The following FRMD5 variants were observed in gnomAD, a reference collection of about 807,000 sequenced individuals.
FRMD5 encodes FERM domain containing 5.
Under a neutral mutation model 69.0 loss-of-function variants are expected in FRMD5, and 20 were observed. That is an observed-to-expected ratio of 0.29 (90% CI 0.20 to 0.42). The LOEUF (loss-of-function observed/expected upper bound fraction) is 0.42. Ranked by LOEUF, FRMD5 falls within the 10% of genes least tolerant of loss-of-function variation. The pLI is 1.00. For synonymous variants in FRMD5, 271 were observed against 260.1 expected (o/e 1.04, Z -0.40); for missense variants, 595 against 708.6 (o/e 0.84, Z 1.82).
At chr15:43,931,264 C>T (rs1469452610) in intron 1 of FRMD5, among the ~76,000 whole-genome samples, 1 of 152,184 alleles carries the variant, frequency 6.6e-6, no homozygotes. Context: ...CTGAATATCT[C>T]AGTGGACTAG....
chr15:43,997,111 CAAGAAGACAG>C (rs748478967), intron 1 of FRMD5, among the ~76,000 whole-genome samples: 11 of 152,150 alleles, frequency 7.2e-5, no homozygotes, highest in Non-Finnish European at 1.5e-4. Flanking sequence ...CTCCCACTTT[CAAGAAGACAG>C]ACACAGGGGA....
At chr15:44,174,082 T>C (rs894111411) in intron 1 of FRMD5, among the ~76,000 whole-genome samples, 11 of 152,112 alleles carry the variant, frequency 7.2e-5, no homozygotes, top group African/African-American at 2.7e-4. Context: ...CACTATACCA[T>C]TATTAAATAA....
At chr15:43,913,484 T>G (rs564237440) in intron 4 of FRMD5, among the ~76,000 whole-genome samples, 2 of 152,254 alleles carry the variant, frequency 1.3e-5, no homozygotes, top group Non-Finnish European at 2.9e-5. Flanking sequence ...TGTGTTTGGT[T>G]CATTTAAGAA....
At chr15:43,922,393 G>C (rs2089509331) in intron 2 of FRMD5, among the ~76,000 whole-genome samples, 1 of 152,228 alleles carries the variant, frequency 6.6e-6, no homozygotes, top group Admixed American at 6.5e-5. Context: ...GACTCAGTGA[G>C]CAGTATACAT....
intron 8 of FRMD5, among the ~76,000 whole-genome samples, chr15:43,891,714 G>A (rs1244045398): frequency 6.6e-6 from 1 of 152,152 alleles, no homozygotes; most frequent in Non-Finnish European, 1.5e-5. Flanking sequence ...ACTGGCTCCA[G>A]CCCCAGGCCT....
intron 1 of FRMD5, among the ~76,000 whole-genome samples, chr15:44,002,333 T>A (rs994962619): frequency 6.6e-6 from 1 of 152,156 alleles, no homozygotes; most frequent in African/African-American, 2.4e-5. Flanking sequence ...TTTATATCCA[T>A]TTCTGTATCT....
At chr15:44,195,981 T>C (rs1419145901), upstream of FRMD5, among the ~76,000 whole-genome samples, 1 of 152,196 alleles carries the variant, frequency 6.6e-6, no homozygotes, top group African/African-American at 2.4e-5. Flanking sequence ...TCCTTGCACT[T>C]TTAGAACTGG....
intron 2 of FRMD5, among the ~76,000 whole-genome samples, chr15:43,921,957 G>T (rs934674028): frequency 7.2e-5 from 11 of 152,136 alleles, no homozygotes; most frequent in African/African-American, 2.7e-4. Flanking sequence ...TGAGACCCAG[G>T]GAAAGAGGTT....
chr15:43,965,856 A>G (rs2090286902), intron 1 of FRMD5, among the ~76,000 whole-genome samples: 1 of 152,004 alleles, frequency 6.6e-6, no homozygotes, highest in African/African-American at 2.4e-5. Flanking sequence ...CTGGGATTAC[A>G]GGCGTGAGCC....
intron 1 of FRMD5, among the ~76,000 whole-genome samples, chr15:43,999,090 C>G (rs1481151297): frequency 1.3e-5 from 2 of 151,978 alleles, no homozygotes; most frequent in Admixed American, 1.3e-4. Flanking sequence ...TTTTTTCAGA[C>G]GGAGTCTCCA....
chr15:44,025,423 C>A (rs1302394235), intron 1 of FRMD5, among the ~76,000 whole-genome samples: 1 of 151,972 alleles, frequency 6.6e-6, no homozygotes, highest in Non-Finnish European at 1.5e-5. Flanking sequence ...GGAGAATGTA[C>A]ACACACACAT....
At chr15:44,028,751 C>T (rs1016737294) in intron 1 of FRMD5, among the ~76,000 whole-genome samples, 4 of 152,192 alleles carry the variant, frequency 2.6e-5, no homozygotes, top group African/African-American at 7.2e-5. Flanking sequence ...CCCTAAATGA[C>T]AGCAGAACAA....
intron 13 of FRMD5, chr15:43,875,987 G>A: frequency 7.1e-7 from 1 of 1,399,496 alleles, no homozygotes; most frequent in South Asian, 1.2e-5. Context: ...TGGACCCTCT[G>A]GTCATCCAAC....
chr15:44,147,697 A>C (rs767152505), intron 1 of FRMD5, among the ~76,000 whole-genome samples: 2 of 152,206 alleles, frequency 1.3e-5, no homozygotes, highest in African/African-American at 2.4e-5. Flanking sequence ...CCACCTAGAC[A>C]ACAAATCTGT....
At chr15:43,972,987 C>G (rs145028783) in intron 1 of FRMD5, among the ~76,000 whole-genome samples, 1 of 152,248 alleles carries the variant, frequency 6.6e-6, no homozygotes, top group Non-Finnish European at 1.5e-5. Flanking sequence ...CATCATATGA[C>G]TTCTTTCTAG....
chr15:44,126,524 T>C (rs1304849304), intron 1 of FRMD5, among the ~76,000 whole-genome samples: 2 of 152,226 alleles, frequency 1.3e-5, no homozygotes, highest in African/African-American at 4.8e-5. Flanking sequence ...TGAGTTTCTC[T>C]TCCATCCACA....
At chr15:44,114,527 T>A (rs2076842599) in intron 1 of FRMD5, among the ~76,000 whole-genome samples, 1 of 152,204 alleles carries the variant, frequency 6.6e-6, no homozygotes, top group African/African-American at 2.4e-5. Context: ...TATTGACTCC[T>A]CTTTCTAGCT....
chr15:44,146,999 C>T (rs896580336), intron 1 of FRMD5, among the ~76,000 whole-genome samples: 2 of 152,140 alleles, frequency 1.3e-5, no homozygotes, highest in Non-Finnish European at 2.9e-5. Context: ...TTAATTAGAT[C>T]CCATTTGTCA....
intron 1 of FRMD5, among the ~76,000 whole-genome samples, chr15:43,949,933 C>T (rs1051733336): frequency 4.6e-5 from 7 of 152,134 alleles, no homozygotes; most frequent in Non-Finnish European, 1.0e-4. Flanking sequence ...CATTTGCATG[C>T]TGCATGGAGA....
Sources: gnomAD v4.1 joint callset for allele counts (sites outside exome capture counted in the v4.1 genomes callset) on GRCh38, gnomAD v4.1.1 for gene constraint, MANE v1.5 for transcripts, NCBI Gene and HGNC (gene_info 2026-07-23, HGNC 2026-07-21) for gene names.